NRXN1: variants seen among roughly 807,000 people sequenced by gnomAD.
NRXN1 encodes neurexin-1.
Under a neutral mutation model 150.9 loss-of-function variants are expected in NRXN1, and 39 were observed. That is an observed-to-expected ratio of 0.26 (90% confidence interval 0.20 to 0.34). The LOEUF (loss-of-function observed/expected upper bound fraction) is 0.34. Ranked by LOEUF, NRXN1 falls within the 10% of genes least tolerant of loss-of-function variation. The pLI is 1.00. For missense variants in NRXN1, 1,815 were observed against 1,949.9 expected, an observed-to-expected ratio of 0.93 and a Z score of 1.30; for synonymous variants, 924 against 757.0, an observed-to-expected ratio of 1.22 and a Z score of -3.62.
chr2:50,723,973 A>AT (rs1296312750), intron 5 of NRXN1, among the ~76,000 whole-genome samples: 1 of 152,146 alleles, frequency 6.6e-6, no homozygotes, highest in East Asian at 1.9e-4. Flanking sequence ...TTCTTGCTTC[A>AT]TTTTTTCTGT....
intron 22 of NRXN1, among the ~76,000 whole-genome samples, chr2:49,925,766 T>G (rs988329446): frequency 7.1e-6 from 1 of 141,098 alleles, no homozygotes; most frequent in Admixed American, 6.8e-5. Flanking sequence ...CATCCTTTTC[T>G]TTCTTTGTCC....
chr2:51,001,675 G>A (rs913370536), intron 2 of NRXN1, among the ~76,000 whole-genome samples: 4 of 151,862 alleles, frequency 2.6e-5, no homozygotes, highest in African/African-American at 7.2e-5. Context: ...CACAATTCAC[G>A]CTATTTTAAA....
At chr2:50,971,701 T>A (rs1015122385) in intron 2 of NRXN1, among the ~76,000 whole-genome samples, 19 of 152,150 alleles carry the variant, frequency 1.2e-4, no homozygotes, top group Non-Finnish European at 8.8e-5. Context: ...TTTACACACC[T>A]TCAAATTCTT....
At chr2:50,165,177 G>A (rs933582358) in intron 18 of NRXN1, among the ~76,000 whole-genome samples, 7 of 152,134 alleles carry the variant, frequency 4.6e-5, no homozygotes, top group East Asian at 1.9e-4. Context: ...GAAGTATGAA[G>A]TAGAAGGTGG....
rs146090314 is a variant in NRXN1 at position 50,701,459 on chromosome 2, A to T, written c.833-77844T>A. Among the ~76,000 whole-genome samples, 21 of 152,334 alleles carry T rather than the reference A, an allele frequency of 1.4e-4. 1 individual carries two copies. The East Asian group carries it at 3.9e-3, about 28-fold the overall frequency. ...GGCCATTTGACAGATTAAAGCATCAAGGCTCAGGAAAATTAAACCTTTTGC... is the reference window on the plus strand; with the variant it reads ...GGCCATTTGACAGATTAAAGCATCATGGCTCAGGAAAATTAAACCTTTTGC... On this transcript the variant is annotated intron_variant, in intron 5 of 22. Transcript: ENST00000401669.
chr2:50,133,166 G>A (rs1705805676), intron 18 of NRXN1, among the ~76,000 whole-genome samples: 1 of 152,134 alleles, frequency 6.6e-6, no homozygotes, highest in Non-Finnish European at 1.5e-5. Flanking sequence ...AACTGGAGAT[G>A]GCAAATCCCC....
At chr2:50,733,697 GAGA>G (rs1330168870) in intron 5 of NRXN1, among the ~76,000 whole-genome samples, 2 of 152,098 alleles carry the variant, frequency 1.3e-5, no homozygotes, top group Admixed American at 6.6e-5. Flanking sequence ...GCAGATTTTA[GAGA>G]AGATTAATAT....
intron 5 of NRXN1, among the ~76,000 whole-genome samples, chr2:50,668,515 C>T (rs181310696): frequency 7.9e-5 from 12 of 152,086 alleles, no homozygotes; most frequent in African/African-American, 2.9e-4. Context: ...AGAAGAAATA[C>T]TGCTCTGTAA....
intron 17 of NRXN1, among the ~76,000 whole-genome samples, chr2:50,272,238 T>C (rs1007159489): frequency 6.6e-6 from 1 of 152,186 alleles, no homozygotes; most frequent in Non-Finnish European, 1.5e-5. Context: ...CAAAGAGAAG[T>C]ACATTCTATC....
At chr2:50,430,857 C>T (rs992954144) in intron 17 of NRXN1, among the ~76,000 whole-genome samples, 19 of 152,122 alleles carry the variant, frequency 1.2e-4, no homozygotes, top group African/African-American at 2.9e-4. Flanking sequence ...CTTGCATTGG[C>T]CACAGCTGCT....
At chr2:50,643,168 T>C (rs1170594084) in intron 5 of NRXN1, among the ~76,000 whole-genome samples, 1 of 151,980 alleles carries the variant, frequency 6.6e-6, no homozygotes, top group Non-Finnish European at 1.5e-5. Context: ...TATCTTGATT[T>C]TGTTCCTTTT....
At chr2:50,824,199 A>C (rs1416311846) in intron 5 of NRXN1, among the ~76,000 whole-genome samples, 1 of 152,184 alleles carries the variant, frequency 6.6e-6, no homozygotes, top group Non-Finnish European at 1.5e-5. Flanking sequence ...TAACATAGAC[A>C]GTACTGAGTA....
At chr2:50,525,603 A>G (rs909326793) in intron 12 of NRXN1, among the ~76,000 whole-genome samples, 2 of 152,234 alleles carry the variant, frequency 1.3e-5, no homozygotes, top group Non-Finnish European at 2.9e-5. Flanking sequence ...ATGAGCATCA[A>G]TAAACTGAGA....
intron 19 of NRXN1, among the ~76,000 whole-genome samples, chr2:50,075,599 T>C (rs1297385082): frequency 6.6e-6 from 1 of 152,204 alleles, no homozygotes; most frequent in African/African-American, 2.4e-5. Context: ...GCCTCAAATA[T>C]CTTGGTTTGT....
intron 2 of NRXN1, among the ~76,000 whole-genome samples, chr2:50,935,492 C>T (rs551663966): frequency 2.2e-4 from 33 of 152,140 alleles, no homozygotes; most frequent in South Asian, 1.0e-3. Flanking sequence ...CTCAGCACTT[C>T]GGGAGGCCAA....
intron 5 of NRXN1, among the ~76,000 whole-genome samples, chr2:50,716,950 ATACT>A (rs1352715509): frequency 6.6e-6 from 1 of 152,142 alleles, no homozygotes; most frequent in African/African-American, 2.4e-5. Context: ...TTATGGCTAA[ATACT>A]TATTTATTGG....
intron 15 of NRXN1, among the ~76,000 whole-genome samples, chr2:50,488,183 T>C (rs13411953): frequency 0.055 from 8,339 of 152,266 alleles, 800 homozygotes; most frequent in African/African-American, 0.19. Flanking sequence ...TTTGATATCT[T>C]CATTTATAAC....
chr2:50,955,484 A>C (rs1692135394), intron 2 of NRXN1, among the ~76,000 whole-genome samples: 1 of 152,238 alleles, frequency 6.6e-6, no homozygotes, highest in South Asian at 2.1e-4. Context: ...GACATTGAAA[A>C]TATGGCAGCT....
chr2:50,895,277 AG>A (rs1202752051), intron 5 of NRXN1, among the ~76,000 whole-genome samples: 1 of 152,172 alleles, frequency 6.6e-6, no homozygotes, highest in Non-Finnish European at 1.5e-5. Flanking sequence ...TCCAATAAAA[AG>A]GTGATTTAAA....
Sources: gnomAD v4.1 joint callset for allele counts (sites outside exome capture counted in the v4.1 genomes callset) on GRCh38, gnomAD v4.1.1 for gene constraint, MANE v1.5 for transcripts, NCBI Gene and HGNC (gene_info 2026-07-23, HGNC 2026-07-21) for gene names.